PADI1: variants seen among roughly 807,000 people sequenced by gnomAD.
PADI1 encodes the protein protein-arginine deiminase type-1.
PADI1 carries 65 observed loss-of-function variants against 74.8 expected under a neutral mutation model. The observed-to-expected ratio is 0.87, with a 90% CI of 0.71 to 1.07. The LOEUF (loss-of-function observed/expected upper bound fraction) is 1.07, where lower values mean the gene tolerates loss of function less well. PADI1 is among the 50% of genes least tolerant of loss of function. PADI1 has a pLI of 0.00. For synonymous variants in PADI1, 371 were observed against 336.2 expected, an observed-to-expected ratio of 1.10 and a Z score of -1.13; for missense variants, 943 against 854.0, an observed-to-expected ratio of 1.10 and a Z score of -1.30.
At chr1:17,208,904 C>T (rs57285689) in intron 1 of PADI1, among the ~76,000 whole-genome samples, 3,729 of 152,236 alleles carry the variant, frequency 0.024, 60 homozygotes, top group Non-Finnish European at 0.029. Flanking sequence ...TGCAGAAGGC[C>T]GGCCTTGTAG....
intron 11 of PADI1, among the ~76,000 whole-genome samples, chr1:17,234,550 T>A (rs967809751): frequency 2.6e-5 from 4 of 152,264 alleles, no homozygotes; most frequent in African/African-American, 9.6e-5. Context: ...CTACCTCATT[T>A]AATTTCTACA....
intron 6 of PADI1, among the ~76,000 whole-genome samples, 160 bp downstream of exon 6, chr1:17,226,318 TCAA>T (rs751771168): frequency 1.4e-4 from 21 of 152,290 alleles, no homozygotes; most frequent in South Asian, 1.2e-3. Context: ...AGGAGGAGGT[TCAA>T]CAACAACGAG....
intron 1 of PADI1, among the ~76,000 whole-genome samples, chr1:17,216,642 T>A (rs1007166705): frequency 3.3e-5 from 5 of 152,076 alleles, no homozygotes; most frequent in African/African-American, 1.2e-4. Flanking sequence ...AGGCCGAGGT[T>A]GGCAGATCAC....
intron 11 of PADI1, among the ~76,000 whole-genome samples, chr1:17,235,293 G>GGGAAGAAAGGAAGGAA (rs1446975480): frequency 6.0e-4 from 38 of 62,874 alleles, no homozygotes; most frequent in African/African-American, 2.1e-3. Flanking sequence ...GAAGGAAGGA[G>GGGAAGAAAGGAAGGAA]GGAAGGAAGG....
intron 13 of PADI1, 48 bp downstream of exon 13, chr1:17,238,757 C>T (rs773122939): frequency 1.5e-5 from 15 of 996,454 alleles, no homozygotes; most frequent in Admixed American, 3.1e-5. Flanking sequence ...GCCCTTTCAT[C>T]ACCATCCTTG....
At chr1:17,235,158 AGGGAGGAAG>A (rs2072598926) in intron 11 of PADI1, among the ~76,000 whole-genome samples, 1 of 120,096 alleles carries the variant, frequency 8.3e-6, no homozygotes, top group African/African-American at 3.2e-5. Flanking sequence ...GGAGGGAGGG[AGGGAGGAAG>A]GGAAGGAAGG....
At chr1:17,224,585 T>C (rs1258282439) in intron 4 of PADI1, among the ~76,000 whole-genome samples, 157 bp downstream of exon 4, 1 of 152,144 alleles carries the variant, frequency 6.6e-6, no homozygotes, top group East Asian at 1.9e-4. Context: ...AAAATTGGCA[T>C]GAGTGGACAT....
At chr1:17,210,095 C>T (rs552492176) in intron 1 of PADI1, among the ~76,000 whole-genome samples, 3 of 152,296 alleles carry the variant, frequency 2.0e-5, no homozygotes, top group Non-Finnish European at 4.4e-5. Context: ...CCACCTCGGC[C>T]TCCCAAAGTG....
rs1557468425 is a variant in PADI1 at position 17,227,554 on chromosome 1, TAAA to T, written c.653-1070_653-1068del. On this transcript the variant is annotated intron_variant, in intron 6 of 15. Transcript: ENST00000375471. ...TCAAATAAATAAATAAATAAATAAATAAATAAATAAATAAATAAATAAATAAAT... is the reference window on the plus strand; with the variant it reads ...TCAAATAAATAAATAAATAAATAAATTAAATAAATAAATAAATAAATAAAT... Among the ~76,000 whole-genome samples, 122 of 151,134 alleles carry T rather than the reference TAAA, an allele frequency of 8.1e-4. 3 individuals carry two copies. Among genetic ancestry groups the T allele is most frequent in the African/African-American group, 2.8e-3 (114 of 41,226 alleles).
chr1:17,240,117 G>A (rs146720263), intron 14 of PADI1: 21 of 310,256 alleles, frequency 6.8e-5, no homozygotes, highest in Middle Eastern at 1.0e-3. Flanking sequence ...ACCTTGAGGG[G>A]CCCAGAGGTG....
chr1:17,216,030 G>T (rs961195459), intron 1 of PADI1, among the ~76,000 whole-genome samples: 5 of 152,136 alleles, frequency 3.3e-5, no homozygotes, highest in Non-Finnish European at 5.9e-5. Flanking sequence ...AGGAAGTGAG[G>T]GGCTGGGCGG....
At chr1:17,227,568 A>C (rs1032058987) in intron 6 of PADI1, among the ~76,000 whole-genome samples, 2 of 140,284 alleles carry the variant, frequency 1.4e-5, no homozygotes, top group Admixed American at 1.4e-4. Context: ...TAAATAAATA[A>C]ATAAATAAAT....
chr1:17,235,293 G>GGAAGGAAGGAAGGAA (rs1557479110), intron 11 of PADI1, among the ~76,000 whole-genome samples: 15 of 62,866 alleles, frequency 2.4e-4, no homozygotes, highest in East Asian at 6.0e-4. Context: ...GAAGGAAGGA[G>GGAAGGAAGGAAGGAA]GGAAGGAAGG....
chr1:17,209,506 C>T (rs1196764545), intron 1 of PADI1, among the ~76,000 whole-genome samples: 1 of 152,188 alleles, frequency 6.6e-6, no homozygotes, highest in African/African-American at 2.4e-5. Context: ...GTCAGCCACC[C>T]CTTAATTCTG....
chr1:17,241,946 G>T (rs554823026), intron 15 of PADI1, among the ~76,000 whole-genome samples: 5 of 152,230 alleles, frequency 3.3e-5, no homozygotes, highest in Non-Finnish European at 7.4e-5. Flanking sequence ...GTCGGAATCG[G>T]CATGGAATCA....
intron 4 of PADI1, among the ~76,000 whole-genome samples, chr1:17,225,491 G>A (rs985297122): frequency 4.0e-5 from 6 of 149,980 alleles, no homozygotes; most frequent in Admixed American, 1.3e-4. Context: ...GCCCACCCCC[G>A]CCCCACAGGC....
intron 1 of PADI1, among the ~76,000 whole-genome samples, chr1:17,207,989 A>G (rs1429756709): frequency 6.6e-6 from 1 of 152,234 alleles, no homozygotes; most frequent in Non-Finnish European, 1.5e-5. Context: ...AGGAGCCTGA[A>G]GCTCACTCCA....
intron 6 of PADI1, among the ~76,000 whole-genome samples, chr1:17,227,959 C>T (rs974249592): frequency 3.9e-5 from 6 of 152,302 alleles, no homozygotes; most frequent in African/African-American, 1.2e-4. Context: ...CTTCAAGGTT[C>T]ATCCATGGTG....
At chr1:17,217,336 C>G (rs553827731) in intron 1 of PADI1, among the ~76,000 whole-genome samples, 115 of 152,234 alleles carry the variant, frequency 7.6e-4, no homozygotes, top group African/African-American at 2.7e-3. Flanking sequence ...GTCTCCTAGA[C>G]CAGTTCAGGG....
Sources: gnomAD v4.1 joint callset for allele counts (sites outside exome capture counted in the v4.1 genomes callset) on GRCh38, gnomAD v4.1.1 for gene constraint, MANE v1.5 for transcripts, NCBI Gene and HGNC (gene_info 2026-07-23, HGNC 2026-07-21) for gene names.